DIS3L2: variants seen among roughly 807,000 people sequenced by gnomAD.
The protein encoded by DIS3L2 is DIS3 like 3'-5' exoribonuclease 2.
In DIS3L2, 34 loss-of-function variants were observed where a neutral mutation model predicts 97.5. The observed-to-expected ratio is 0.35, with a 90% CI of 0.27 to 0.46. DIS3L2 has a LOEUF of 0.46. DIS3L2 is among the 20% of genes least tolerant of loss of function. The pLI is 1.00. For missense variants in DIS3L2, 1,038 were observed against 1,146.0 expected, an observed-to-expected ratio of 0.91 and a Z score of 1.36; for synonymous variants, 435 against 445.2, an observed-to-expected ratio of 0.98 and a Z score of 0.29.
rs75298280 is a variant in DIS3L2 at position 232,057,457 on chromosome 2, C to T, written c.366+27377C>T. Among the ~76,000 whole-genome samples, 927 of 152,084 alleles carry T rather than the reference C, an allele frequency of 6.1e-3. 9 individuals carry two copies. Among genetic ancestry groups the T allele is most frequent in the African/African-American group, 0.021 (878 of 41,464 alleles). On this transcript the variant is annotated intron_variant, in intron 5 of 20. Transcript: ENST00000325385. ...CCTAATCAGCTGACTTTAAGTTAAC[C>T]GTAAGAGAGATTATCTTTGTGGACC...
downstream of DIS3L2, among the ~76,000 whole-genome samples, chr2:232,338,600 C>T (rs2106359606): frequency 6.6e-6 from 1 of 152,192 alleles, no homozygotes; most frequent in Non-Finnish European, 1.5e-5. Flanking sequence ...TGTGCCCAGC[C>T]AGGACCTGGG....
intron 10 of DIS3L2, among the ~76,000 whole-genome samples, chr2:232,221,103 A>AG (rs1553537933): frequency 6.7e-6 from 1 of 150,074 alleles, no homozygotes; most frequent in Non-Finnish European, 1.5e-5. Context: ...CTTCATCTCA[A>AG]AAAAAAAAAA....
chr2:232,102,559 A>T (rs939628978), intron 6 of DIS3L2, among the ~76,000 whole-genome samples: 1 of 152,162 alleles, frequency 6.6e-6, no homozygotes, highest in African/African-American at 2.4e-5. Context: ...AAAAAGAAGA[A>T]ACGAAACTAT....
In DIS3L2 at chr2:232,269,407, G is replaced by A. The variant is rs1194553327; in HGVS notation, c.1659+5967G>A. 6.6e-6 allele frequency among the ~76,000 whole-genome samples: 1 copy of A among 152,180 alleles called. No individual in the cohort carries two copies. The highest frequency in any genetic ancestry group is 2.4e-5 in the African/African-American group (1 of 41,436). On this transcript the variant is annotated intron_variant, in intron 13 of 20. Transcript: ENST00000325385. This position sits in a 1 kb window ranked among gnomAD's most constrained non-coding sequence, Gnocchi z 4.5. ...TATTTATGTTGTCACTTAAACACAC[G>A]AGGAAGCTATTGATCACAGGGTTGA...
chr2:232,031,938 T>A (rs1052064982), intron 5 of DIS3L2, among the ~76,000 whole-genome samples: 1 of 152,248 alleles, frequency 6.6e-6, no homozygotes, highest in Non-Finnish European at 1.5e-5. Context: ...TCTTTGCTAT[T>A]ATGAATAGTG....
At chr2:232,209,494 G>A (rs1239336568) in intron 9 of DIS3L2, among the ~76,000 whole-genome samples, 1 of 152,186 alleles carries the variant, frequency 6.6e-6, no homozygotes, top group African/African-American at 2.4e-5. Context: ...AGTACTGGAT[G>A]GAGTGGAGGA....
At chr2:232,117,100 A>G (rs923380706) in intron 6 of DIS3L2, among the ~76,000 whole-genome samples, 5 of 151,964 alleles carry the variant, frequency 3.3e-5, no homozygotes, top group South Asian at 2.1e-4. Flanking sequence ...ACTTTAGACT[A>G]CTGCACCCAT....
At chr2:232,249,216 A>C in intron 11 of DIS3L2, 23 bp from the exon 12 acceptor site, 1 of 1,611,940 alleles carries the variant, frequency 6.2e-7, no homozygotes, top group Non-Finnish European at 8.5e-7. Flanking sequence ...AAAGGTGCTC[A>C]TGGGCCTGTG....
chr2:232,195,290 A>G (rs928756167), intron 9 of DIS3L2, among the ~76,000 whole-genome samples: 1 of 152,208 alleles, frequency 6.6e-6, no homozygotes, highest in Non-Finnish European at 1.5e-5. Context: ...CTTCTTGCCC[A>G]TTGCCCAGAT....
At chr2:232,164,357 C>A (rs762050913) in intron 9 of DIS3L2, among the ~76,000 whole-genome samples, 10 of 152,172 alleles carry the variant, frequency 6.6e-5, no homozygotes, top group Non-Finnish European at 1.5e-4. Flanking sequence ...GATGTTAGTT[C>A]TTTTCTGATA....
At chr2:232,007,456 C>A (rs1405189865) in intron 1 of DIS3L2, among the ~76,000 whole-genome samples, 1 of 152,166 alleles carries the variant, frequency 6.6e-6, no homozygotes, top group Non-Finnish European at 1.5e-5. Context: ...CTGTCTCAGC[C>A]TCCTGAGTAG....
At chr2:232,322,303 T>C (rs765461496) in intron 14 of DIS3L2, among the ~76,000 whole-genome samples, 2 of 152,210 alleles carry the variant, frequency 1.3e-5, no homozygotes, top group African/African-American at 2.4e-5. Context: ...CTCCCTGTGC[T>C]CCTGCCAGGC....
chr2:232,054,110 C>T (rs1013504282), intron 5 of DIS3L2, among the ~76,000 whole-genome samples: 37 of 152,198 alleles, frequency 2.4e-4, no homozygotes, highest in Admixed American at 1.3e-4. Context: ...TTTTTAGGAG[C>T]TCTGTATTAG....
intron 5 of DIS3L2, among the ~76,000 whole-genome samples, chr2:232,055,940 A>G (rs550033644): frequency 6.6e-6 from 1 of 152,356 alleles, no homozygotes; most frequent in East Asian, 1.9e-4. Context: ...GTTGACCTTT[A>G]TTTCATACCA....
At chr2:231,980,700 G>C (rs1693226796) in intron 1 of DIS3L2, among the ~76,000 whole-genome samples, 1 of 151,400 alleles carries the variant, frequency 6.6e-6, no homozygotes, top group East Asian at 1.9e-4. Context: ...TCCGTCTCGA[G>C]AGAGAGAGAA....
At chr2:232,278,245 G>T (rs1240520800) in intron 13 of DIS3L2, among the ~76,000 whole-genome samples, 3 of 151,972 alleles carry the variant, frequency 2.0e-5, no homozygotes, top group Non-Finnish European at 4.4e-5. Flanking sequence ...ATTTTATATG[G>T]TATCACTAGA....
At chr2:232,310,638 A>G (rs768323779) in intron 14 of DIS3L2, among the ~76,000 whole-genome samples, 2 of 152,216 alleles carry the variant, frequency 1.3e-5, no homozygotes, top group African/African-American at 4.8e-5. Flanking sequence ...GAACACTCCC[A>G]TTTTAGAGAG....
At chr2:232,096,235 C>T (rs559634778) in intron 6 of DIS3L2, among the ~76,000 whole-genome samples, 3 of 151,890 alleles carry the variant, frequency 2.0e-5, no homozygotes, top group South Asian at 4.2e-4. Flanking sequence ...TACAGGCGCC[C>T]GCCACCACGC....
chr2:232,250,106 A>C (rs78411318), intron 12 of DIS3L2, among the ~76,000 whole-genome samples: 2,963 of 152,254 alleles, frequency 0.019, 99 homozygotes, highest in African/African-American at 0.068. Context: ...AAACATTCAG[A>C]AGTAGGGTCG....
Sources: allele counts gnomAD v4.1 joint callset (sites outside exome capture counted in the v4.1 genomes callset), GRCh38; gene constraint gnomAD v4.1.1; non-coding constraint Gnocchi (gnomAD v3.1); transcripts MANE v1.5; gene names NCBI Gene and HGNC (gene_info 2026-07-23, HGNC 2026-07-21).